CMSS1: variants seen among roughly 807,000 people sequenced by gnomAD.
CMSS1 encodes cms1 ribosomal small subunit homolog, also known as protein CMSS1.
CMSS1 carries 33 observed loss-of-function variants against 43.5 expected under a neutral mutation model. The observed-to-expected ratio is 0.76, with a 90% confidence interval of 0.57 to 1.01. CMSS1 has a LOEUF of 1.01. Ranked by LOEUF, CMSS1 falls within the 50% of genes least tolerant of loss-of-function variation. The pLI is 0.00. For missense variants in CMSS1, 313 were observed against 326.4 expected, an observed-to-expected ratio of 0.96 and a Z score of 0.32; for synonymous variants, 115 against 117.2, an observed-to-expected ratio of 0.98 and a Z score of 0.12.
rs113838536 is a variant in CMSS1 at position 100,170,339 on chromosome 3, G to C, written c.519-1500G>C. ...TATAGATGATATATAGAAATACATT[G>C]AACAAATGAGAAACAGGTTGTGAAA... is the stretch of plus-strand genomic sequence containing the variant. On this transcript the variant is annotated intron_variant, in intron 6 of 9. Coordinates refer to ENST00000421999, the MANE Select transcript of CMSS1 (RefSeq NM_032359.4). 8.1e-4 allele frequency among the ~76,000 whole-genome samples: 124 copies of C among 152,238 alleles called. 1 individual carries two copies. The highest frequency in any genetic ancestry group is 2.8e-3 in the African/African-American group (118 of 41,532).
chr3:99,911,204 G>A (rs1706776965), intron 1 of CMSS1, among the ~76,000 whole-genome samples: 1 of 151,836 alleles, frequency 6.6e-6, no homozygotes, highest in Non-Finnish European at 1.5e-5. Flanking sequence ...ATCCTATTTG[G>A]CTGTAAAGTA....
chr3:99,947,235 C>G (rs1708039001), intron 1 of CMSS1, among the ~76,000 whole-genome samples: 1 of 151,890 alleles, frequency 6.6e-6, no homozygotes, highest in Admixed American at 6.6e-5. Context: ...TTCAACCACG[C>G]AGAGATTTAT....
At chr3:99,919,752 GA>G (rs1297282875) in intron 1 of CMSS1, among the ~76,000 whole-genome samples, 1 of 152,126 alleles carries the variant, frequency 6.6e-6, no homozygotes, top group Non-Finnish European at 1.5e-5. Context: ...GATTGATGGT[GA>G]AAATACTTGT....
chr3:100,157,372 T>C (rs2066984925), intron 2 of CMSS1, among the ~76,000 whole-genome samples: 2 of 152,172 alleles, frequency 1.3e-5, no homozygotes, highest in Non-Finnish European at 1.5e-5. Flanking sequence ...TCTAGGTTCA[T>C]TTTTCTTTTT....
chr3:99,860,091 C>T (rs1944169440), intron 1 of CMSS1, among the ~76,000 whole-genome samples: 1 of 152,160 alleles, frequency 6.6e-6, no homozygotes, highest in South Asian at 2.1e-4. Flanking sequence ...GTCCTTGTTA[C>T]TGAAGATCCT....
chr3:99,971,812 G>A (rs992846872), intron 1 of CMSS1, among the ~76,000 whole-genome samples: 1 of 152,182 alleles, frequency 6.6e-6, no homozygotes. Flanking sequence ...TCGGTTCCTA[G>A]CTTGAATGAA....
chr3:100,127,870 C>T (rs939376685), intron 1 of CMSS1, among the ~76,000 whole-genome samples: 1 of 152,172 alleles, frequency 6.6e-6, no homozygotes, highest in Non-Finnish European at 1.5e-5. Flanking sequence ...TACTGTCAGT[C>T]TAGTTATCTT....
At chr3:100,095,383 G>A (rs923205079) in intron 1 of CMSS1, among the ~76,000 whole-genome samples, 4 of 151,958 alleles carry the variant, frequency 2.6e-5, no homozygotes, top group Non-Finnish European at 2.9e-5. Flanking sequence ...TTCTGTATCC[G>A]TGAATTCAAC....
intron 1 of CMSS1, among the ~76,000 whole-genome samples, chr3:100,117,836 T>TATATATATAA (rs2066585752): frequency 1.1e-5 from 1 of 94,514 alleles, no homozygotes; most frequent in Non-Finnish European, 2.1e-5. Flanking sequence ...TATATATATA[T>TATATATATAA]ATATATATAT....
chr3:99,933,153 A>G (rs537915609), intron 1 of CMSS1, among the ~76,000 whole-genome samples: 1 of 152,342 alleles, frequency 6.6e-6, no homozygotes, highest in East Asian at 1.9e-4. Flanking sequence ...TCAGGGACCC[A>G]CACTCTTAAA....
At chr3:100,094,870 A>G (rs113909015) in intron 1 of CMSS1, among the ~76,000 whole-genome samples, 4,012 of 151,584 alleles carry the variant, frequency 0.026, 187 homozygotes, top group African/African-American at 0.092. Context: ...GTGTTTTTTT[A>G]GTAGAGACGG....
At position 100,163,565 on chromosome 3, in the gene CMSS1, CTTG is replaced by C. The variant is rs1192508227; in HGVS notation, c.355+1138_355+1140del. Among the ~76,000 whole-genome samples the C allele has an allele frequency of 1.2e-4, 19 of 152,176 alleles. No individual in the cohort carries two copies. The East Asian group carries it at 1.4e-3, about 11-fold the overall frequency. ...TATTTATTTATTTTAGAGACAGTGT[CTTG>C]TTGTGTCGCCCAGGCTGGAGTGCAG... is the stretch of plus-strand genomic sequence containing the variant. On this transcript the variant is annotated intron_variant, in intron 4 of 9. Transcript: ENST00000421999.
At chr3:100,050,915 T>C (rs1319939964) in intron 1 of CMSS1, among the ~76,000 whole-genome samples, 3 of 152,216 alleles carry the variant, frequency 2.0e-5, no homozygotes. Flanking sequence ...AAGTGGCTCC[T>C]TGTGGAAGAG....
At chr3:100,135,043 TG>T (rs2066740018) in intron 1 of CMSS1, among the ~76,000 whole-genome samples, 3 of 152,212 alleles carry the variant, frequency 2.0e-5, no homozygotes. Context: ...AAGATTGATA[TG>T]GGAATTAAAT....
chr3:100,077,379 T>G (rs887145770), intron 1 of CMSS1, among the ~76,000 whole-genome samples: 8 of 152,168 alleles, frequency 5.3e-5, no homozygotes, highest in Non-Finnish European at 8.8e-5. Flanking sequence ...TCACTGAGAG[T>G]GTTTCAGGAC....
chr3:99,967,546 G>A lies in CMSS1; in HGVS notation c.64+149503G>A, dbSNP rs535630117. 3.6e-4 allele frequency among the ~76,000 whole-genome samples: 55 copies of A among 152,234 alleles called. No individual in the cohort carries two copies. The Middle Eastern group carries it at 0.014, about 38-fold the overall frequency. On this transcript the variant is annotated intron_variant, in intron 1 of 9. Coordinates refer to ENST00000421999, the MANE Select transcript of CMSS1 (RefSeq NM_032359.4). ...CTCCTGGCTCCTTGTTTTGTGAATT[G>A]AGGAATATGGTGAGTCCCTACACCT...
intron 1 of CMSS1, among the ~76,000 whole-genome samples, chr3:99,963,171 G>A (rs1708545044): frequency 6.6e-6 from 1 of 152,158 alleles, no homozygotes. Context: ...TTACTCTTAG[G>A]GAAACCTTTC....
intron 1 of CMSS1, among the ~76,000 whole-genome samples, chr3:99,950,466 A>G (rs554960445): frequency 6.6e-6 from 1 of 152,312 alleles, no homozygotes; most frequent in South Asian, 2.1e-4. Flanking sequence ...CACATGTCCT[A>G]TTCCTGAGAT....
At chr3:100,168,675 C>T (rs1273984564) in intron 6 of CMSS1, among the ~76,000 whole-genome samples, 1 of 151,718 alleles carries the variant, frequency 6.6e-6, no homozygotes, top group Non-Finnish European at 1.5e-5. Flanking sequence ...GTAAGGATGT[C>T]TGTTTTACTC....
Sources: allele counts gnomAD v4.1 joint callset (sites outside exome capture counted in the v4.1 genomes callset), GRCh38; gene constraint gnomAD v4.1.1; transcripts MANE v1.5; gene names NCBI Gene and HGNC (gene_info 2026-07-23, HGNC 2026-07-21).